Variants in TRHDE observed in about 807,000 individuals in gnomAD.
TRHDE encodes thyrotropin-releasing hormone-degrading ectoenzyme.
In TRHDE, 72 loss-of-function variants were observed where a neutral mutation model predicts 125.7. The ratio of observed to expected loss-of-function variants is 0.57; its 90% CI spans 0.47 to 0.70. The LOEUF is 0.70. Ranked by LOEUF, TRHDE falls within the 30% of genes least tolerant of loss-of-function variation. The pLI, the probability that TRHDE is intolerant of heterozygous loss-of-function variation, is 0.00. For synonymous variants in TRHDE, 509 were observed against 509.1 expected (o/e 1.00, Z 0.00); for missense variants, 1,110 against 1,327.1 (o/e 0.84, Z 2.54).
intron 5 of TRHDE, among the ~76,000 whole-genome samples, chr12:72,493,539 A>T (rs1164553096): frequency 2.6e-5 from 4 of 151,928 alleles, no homozygotes; most frequent in Non-Finnish European, 4.4e-5. Flanking sequence ...TTATCACTCT[A>T]GTCCACTTTC....
At chr12:72,462,671 C>T (rs1315694780) in intron 3 of TRHDE, among the ~76,000 whole-genome samples, 5 of 152,096 alleles carry the variant, frequency 3.3e-5, no homozygotes, top group Admixed American at 1.3e-4. Flanking sequence ...GTTGATGTTT[C>T]GCTTAGATAC....
At chr12:72,598,227 C>G (rs1003119238) in intron 12 of TRHDE, among the ~76,000 whole-genome samples, 6 of 152,026 alleles carry the variant, frequency 3.9e-5, no homozygotes, top group Admixed American at 2.6e-4. Flanking sequence ...AATCAGTCAC[C>G]TTTATTCATA....
chr12:72,355,637 A>G (rs921972375), intron 2 of TRHDE, among the ~76,000 whole-genome samples: 2 of 151,916 alleles, frequency 1.3e-5, no homozygotes, highest in African/African-American at 4.8e-5. Context: ...AATGGGAGAA[A>G]ATATTTGCAA....
chr12:72,363,455 G>A (rs1401845101), intron 2 of TRHDE, among the ~76,000 whole-genome samples: 1 of 151,918 alleles, frequency 6.6e-6, no homozygotes, highest in Non-Finnish European at 1.5e-5. Flanking sequence ...GGGATGCAAG[G>A]CTGGTTCAAT....
At chr12:72,114,445 T>C (rs1333921549) in intron 2 of TRHDE, among the ~76,000 whole-genome samples, 4 of 152,154 alleles carry the variant, frequency 2.6e-5, no homozygotes, top group African/African-American at 9.7e-5. Context: ...ATTCTTAAAG[T>C]AAGTACAGAA....
rs1873048813 is a variant in TRHDE at position 72,621,461 on chromosome 12, A to G, written c.2568-183A>G. 12 of 591,870 alleles carry G rather than the reference A, an allele frequency of 2.0e-5. No individual in the cohort carries two copies. In the South Asian group the frequency reaches 2.6e-4, roughly 13 times the overall value. The allele number at this position is 591,870 out of a possible 1,614,324, so 36.7% of individuals were successfully genotyped here. On this transcript the variant is annotated intron_variant, in intron 14 of 18. Transcript: ENST00000261180. Reference sequence around the variant, plus strand: ...ATTGAGATCAGAACCCATGCCTCTCACTGGAGTACTGTTAAACTTTTAGTA... The same window carrying G: ...ATTGAGATCAGAACCCATGCCTCTCGCTGGAGTACTGTTAAACTTTTAGTA...
chr12:72,164,315 C>G (rs979097304), intron 2 of TRHDE, among the ~76,000 whole-genome samples: 1 of 152,092 alleles, frequency 6.6e-6, no homozygotes, highest in Non-Finnish European at 1.5e-5. Context: ...CATCAGAAAG[C>G]CTGAGCAGAG....
At chr12:72,153,758 A>G (rs1216258406) in intron 2 of TRHDE, among the ~76,000 whole-genome samples, 3 of 152,154 alleles carry the variant, frequency 2.0e-5, no homozygotes, top group Non-Finnish European at 2.9e-5. Context: ...GTGGTCTGAG[A>G]GACAGTTTTT....
At chr12:72,308,287 A>G (rs1868386305) in intron 2 of TRHDE, among the ~76,000 whole-genome samples, 1 of 152,050 alleles carries the variant, frequency 6.6e-6, no homozygotes, top group Admixed American at 6.5e-5. Context: ...AGTATTTGCA[A>G]ATAACTTCTT....
At chr12:72,210,899 T>A (rs1358690249) in intron 2 of TRHDE, among the ~76,000 whole-genome samples, 1 of 152,202 alleles carries the variant, frequency 6.6e-6, no homozygotes, top group African/African-American at 2.4e-5. Flanking sequence ...ACATAGTGCC[T>A]AAATCTCAAC....
At chr12:72,459,904 C>T (rs1023371333) in intron 3 of TRHDE, among the ~76,000 whole-genome samples, 3 of 152,160 alleles carry the variant, frequency 2.0e-5, no homozygotes, top group South Asian at 4.1e-4. Context: ...AGGTATGAGC[C>T]ACTGTGTCCT....
chr12:72,424,448 A>T (rs1874099585), intron 3 of TRHDE, among the ~76,000 whole-genome samples: 1 of 152,198 alleles, frequency 6.6e-6, no homozygotes, highest in African/African-American at 2.4e-5. Flanking sequence ...TTAGGGCTTC[A>T]ACATAAAAGA....
intron 8 of TRHDE, 53 bp downstream of exon 8, chr12:72,562,283 C>T: frequency 1.0e-6 from 1 of 956,056 alleles, no homozygotes; most frequent in Non-Finnish European, 1.6e-6. Flanking sequence ...ATTTGAATTG[C>T]ATTTATAAGA....
At chr12:72,532,323 T>G (rs576642173) in intron 6 of TRHDE, among the ~76,000 whole-genome samples, 2 of 151,666 alleles carry the variant, frequency 1.3e-5, no homozygotes, top group African/African-American at 4.8e-5. Context: ...TATACTCTTT[T>G]ATTGATTTTA....
chr12:72,179,217 A>C (rs756810251), intron 2 of TRHDE, among the ~76,000 whole-genome samples: 3 of 152,112 alleles, frequency 2.0e-5, no homozygotes, highest in Non-Finnish European at 2.9e-5. Flanking sequence ...TACTGGATTT[A>C]ATAAGACACA....
intron 1 of TRHDE, among the ~76,000 whole-genome samples, chr12:72,279,940 CAAAG>C (rs941775997): frequency 3.9e-5 from 6 of 152,180 alleles, no homozygotes; most frequent in Admixed American, 1.3e-4. Flanking sequence ...AGAGGATAGA[CAAAG>C]AAAGTAGTTC....
chr12:72,396,073 C>T (rs540910998), intron 3 of TRHDE, among the ~76,000 whole-genome samples: 5 of 152,234 alleles, frequency 3.3e-5, no homozygotes, highest in African/African-American at 1.2e-4. Context: ...ATGGTCTTGA[C>T]CCTATGTCCT....
chr12:72,252,079 C>A (rs1165176653), intron 2 of TRHDE, among the ~76,000 whole-genome samples: 1 of 151,902 alleles, frequency 6.6e-6, no homozygotes, highest in Non-Finnish European at 1.5e-5. Flanking sequence ...TATTTTCTTT[C>A]AGTCTGTAGC....
At chr12:72,651,792 G>A (rs1302112653) in intron 15 of TRHDE, among the ~76,000 whole-genome samples, 2 of 151,632 alleles carry the variant, frequency 1.3e-5, no homozygotes, top group Non-Finnish European at 2.9e-5. Context: ...CTTATATTTT[G>A]GTATCTGTTT....
Sources: allele counts gnomAD v4.1 joint callset (sites outside exome capture counted in the v4.1 genomes callset), GRCh38; gene constraint gnomAD v4.1.1; transcripts MANE v1.5; gene names NCBI Gene and HGNC (gene_info 2026-07-23, HGNC 2026-07-21).